The following RAI2 variants were observed in gnomAD, a reference collection of about 807,000 sequenced individuals.
RAI2 encodes the protein retinoic acid-induced protein 2.
RAI2 carries 5 observed loss-of-function variants against 15.3 expected under a neutral mutation model. The ratio of observed to expected loss-of-function variants is 0.33; its 90% CI spans 0.17 to 0.69. The LOEUF (loss-of-function observed/expected upper bound fraction) is 0.69, where lower values mean the gene tolerates loss of function less well. RAI2 is among the 30% of genes least tolerant of loss of function. The probability of loss-of-function intolerance (pLI) is 0.69; values close to 1 mark genes in which losing one functional copy is unlikely to be tolerated. For missense variants in RAI2, 424 were observed against 424.7 expected (o/e 1.00, Z 0.01); for synonymous variants, 191 against 184.0 (o/e 1.04, Z -0.31).
At chrX:17,850,906 T>G (rs1199554142) in intron 1 of RAI2, among the ~76,000 whole-genome samples, 4 of 112,632 alleles carry the variant, frequency 3.6e-5, no homozygotes, top group Non-Finnish European at 5.6e-5. Flanking sequence ...GTGGAAAAGG[T>G]TTAGCTTTAA....
chrX:17,858,433 C>T (rs763519604), intron 1 of RAI2, among the ~76,000 whole-genome samples: 358 of 112,383 alleles, frequency 3.2e-3, no homozygotes, highest in African/African-American at 0.011. Context: ...AAATTCTAAG[C>T]TTAGGGGAGA....
chrX:17,836,533 T>C (rs1053240174), intron 1 of RAI2, among the ~76,000 whole-genome samples: 1 of 112,117 alleles, frequency 8.9e-6, no homozygotes, highest in Non-Finnish European at 1.9e-5. Flanking sequence ...CGAACGAGTA[T>C]GACTTCTGCA....
intron 1 of RAI2, among the ~76,000 whole-genome samples, chrX:17,842,652 T>A (rs189142745): frequency 1.2e-5 from 1 of 80,262 alleles, no homozygotes. Context: ...AATATATGTA[T>A]AGGAAAAAAA....
chrX:17,848,993 C>T (rs1047257555), intron 1 of RAI2, among the ~76,000 whole-genome samples: 3 of 112,302 alleles, frequency 2.7e-5, no homozygotes, highest in African/African-American at 6.5e-5. Flanking sequence ...ATCTAACAGT[C>T]GCCCAAATAA....
chrX:17,835,555 C>T (rs2067325460), intron 1 of RAI2, among the ~76,000 whole-genome samples: 1 of 112,129 alleles, frequency 8.9e-6, no homozygotes, highest in African/African-American at 3.2e-5. Context: ...TGCAATTTGA[C>T]ATCTTGCCCT....
At chrX:17,850,411 T>C (rs374236583) in intron 1 of RAI2, among the ~76,000 whole-genome samples, 46 of 112,362 alleles carry the variant, frequency 4.1e-4, no homozygotes, top group African/African-American at 1.5e-3. Flanking sequence ...GGCGCTGACA[T>C]TGGGAGTCAG....
intron 1 of RAI2, among the ~76,000 whole-genome samples, chrX:17,816,993 T>C (rs1017070092): frequency 9.0e-6 from 1 of 111,140 alleles, no homozygotes; most frequent in African/African-American, 3.3e-5. Flanking sequence ...TTGAAGATAG[T>C]GGAGCCACAG....
At chrX:17,813,639 A>T (rs1049536994) in intron 1 of RAI2, among the ~76,000 whole-genome samples, 5 of 111,540 alleles carry the variant, frequency 4.5e-5, no homozygotes, top group Admixed American at 1.9e-4. Context: ...CATGAATGTG[A>T]GTCAATTATT....
At chrX:17,833,053 C>T (rs976694807) in intron 1 of RAI2, among the ~76,000 whole-genome samples, 9 of 111,795 alleles carry the variant, frequency 8.1e-5, no homozygotes, top group African/African-American at 2.9e-4. Flanking sequence ...CCAAAAACAA[C>T]CCAACCCAAA....
intron 1 of RAI2, among the ~76,000 whole-genome samples, chrX:17,840,506 G>A (rs912395455): frequency 5.4e-5 from 6 of 110,717 alleles, no homozygotes; most frequent in Admixed American, 1.9e-4. Context: ...GAAAACTATC[G>A]GCTGCTTAAA....
At position 17,801,476 on chromosome X, in the gene RAI2, C is replaced by A; in HGVS notation, c.535G>T (p.Glu179Ter). 8.5e-7 allele frequency: 1 copy of A among 1,175,943 alleles called. No individual in the cohort carries two copies. The highest frequency in any genetic ancestry group is 1.1e-6 in the Non-Finnish European group (1 of 879,271). Residue 179 changes from glutamate to a stop codon, truncating the protein, a stop_gained, in exon 2 of 2, where the codon GAG becomes TAG. Coordinates refer to ENST00000451717, the MANE Select transcript of RAI2 (RefSeq NM_021785.6). LOFTEE classifies it high-confidence loss of function. ...LDLRIPSQPQ[E>*]PTLPFEAVLQ... Reference sequence around the variant, plus strand: ...ACAGCTTCAAATGGCAAAGTGGGCTCCTGCGGCTGGCTGGGGATCCTCAGG... The same window carrying A: ...ACAGCTTCAAATGGCAAAGTGGGCTACTGCGGCTGGCTGGGGATCCTCAGG...
In RAI2 at chrX:17,801,579, G is replaced by T. The variant is rs376405512; in HGVS notation, c.432C>A (p.Ala144=). 2.5e-6 allele frequency: 3 copies of T among 1,207,092 alleles called. No homozygotes were observed. The African/African-American group carries it at 5.2e-5, about 21-fold the overall frequency. The change falls in exon 2 of 2, where the codon GCC becomes GCA. Residue 144 remains alanine (A), a synonymous_variant. Transcript: ENST00000451717. The stretch of plus-strand genomic sequence containing the variant: ...TGTGGATGGTACTGGAGGAGCATGG[G>T]GCCTCCTGCGGCAGGACCAGAGGGG... ...LNSPLVLPQE[A]PCSSSTIHNN...
chrX:17,839,460 C>T (rs190097684), intron 1 of RAI2, among the ~76,000 whole-genome samples: 12 of 112,242 alleles, frequency 1.1e-4, no homozygotes, highest in Non-Finnish European at 1.3e-4. Flanking sequence ...GGGATGCTGG[C>T]GCCTCCTTGC....
At chrX:17,831,932 C>A (rs1354762871) in intron 1 of RAI2, among the ~76,000 whole-genome samples, 1 of 112,232 alleles carries the variant, frequency 8.9e-6, no homozygotes. Flanking sequence ...TTCCCACCTG[C>A]TTCCAGAGCT....
intron 1 of RAI2, among the ~76,000 whole-genome samples, chrX:17,836,548 T>C (rs1186172531): frequency 8.9e-6 from 1 of 111,761 alleles, no homozygotes; most frequent in Non-Finnish European, 1.9e-5. Flanking sequence ...TCTGCACCAT[T>C]GTAAAGGTGA....
Position 17,808,277 on chromosome X carries a change from C to T in RAI2, c.-24-6243G>A, listed in dbSNP as rs1262536118. On this transcript the variant is annotated intron_variant, in intron 1 of 1. Coordinates refer to ENST00000451717, the MANE Select transcript of RAI2 (RefSeq NM_021785.6). ...AGGATCTTGCTAGAAATACAAATCTCAGGCCACAGCCCAGACCCACTGAAT... is the reference window on the plus strand; with the variant it reads ...AGGATCTTGCTAGAAATACAAATCTTAGGCCACAGCCCAGACCCACTGAAT... Among the ~76,000 whole-genome samples, 3 of 110,714 alleles carry T rather than the reference C, an allele frequency of 2.7e-5. No homozygotes were observed. In the South Asian group the frequency reaches 1.2e-3, roughly 43 times the overall value.
intron 1 of RAI2, among the ~76,000 whole-genome samples, chrX:17,814,787 C>A (rs1463197645): frequency 9.0e-6 from 1 of 110,820 alleles, no homozygotes; most frequent in African/African-American, 3.3e-5. Flanking sequence ...CCAGAAAGTT[C>A]TTTGAATCAT....
At chrX:17,826,263 G>T (rs2067225845) in intron 1 of RAI2, among the ~76,000 whole-genome samples, 1 of 109,901 alleles carries the variant, frequency 9.1e-6, no homozygotes, top group Admixed American at 9.7e-5. Context: ...GATAGAGAAG[G>T]TTCTATGACC....
intron 1 of RAI2, among the ~76,000 whole-genome samples, chrX:17,859,822 G>A (rs777944013): frequency 1.8e-5 from 2 of 111,566 alleles, no homozygotes; most frequent in South Asian, 7.6e-4. Flanking sequence ...ACGCTGCGCC[G>A]TGCCCTCCCC....
Sources: gnomAD v4.1 joint callset for allele counts (sites outside exome capture counted in the v4.1 genomes callset) on GRCh38, gnomAD v4.1.1 for gene constraint, MANE v1.5 for transcripts, NCBI Gene and HGNC (gene_info 2026-07-23, HGNC 2026-07-21) for gene names.